The following CNTN5 variants were observed in gnomAD, a reference collection of about 807,000 sequenced individuals.
CNTN5 encodes contactin-5.
In CNTN5, 77 loss-of-function variants were observed where a neutral mutation model predicts 129.1. The ratio of observed to expected loss-of-function variants is 0.60; its 90% CI spans 0.50 to 0.72. CNTN5 has a LOEUF of 0.72. CNTN5 is among the 30% of genes least tolerant of loss of function. CNTN5 has a pLI of 0.00. For missense variants in CNTN5, 1,478 were observed against 1,328.8 expected, an observed-to-expected ratio of 1.11 and a Z score of -1.75; for synonymous variants, 509 against 465.6, an observed-to-expected ratio of 1.09 and a Z score of -1.20.
intron 21 of CNTN5, among the ~76,000 whole-genome samples, chr11:100,333,127 T>C (rs1024953660): frequency 3.3e-5 from 5 of 152,132 alleles, no homozygotes; most frequent in Non-Finnish European, 7.4e-5. Flanking sequence ...CTCTGCTATA[T>C]GCCAACAGCA....
intron 3 of CNTN5, among the ~76,000 whole-genome samples, chr11:99,693,574 G>A (rs1954131785): frequency 6.6e-6 from 1 of 151,894 alleles, no homozygotes; most frequent in Non-Finnish European, 1.5e-5. Flanking sequence ...CTTCAAGGGT[G>A]GATAGAGTAA....
At chr11:99,724,869 G>A (rs1005658818) in intron 3 of CNTN5, among the ~76,000 whole-genome samples, 20 of 152,100 alleles carry the variant, frequency 1.3e-4, no homozygotes, top group Non-Finnish European at 2.1e-4. Flanking sequence ...TATATATGTT[G>A]CCTATTAAGA....
At chr11:99,241,328 T>TTG (rs1555086960) in intron 1 of CNTN5, among the ~76,000 whole-genome samples, 2 of 149,278 alleles carry the variant, frequency 1.3e-5, no homozygotes, top group African/African-American at 4.9e-5. Context: ...GTTTTTTTTT[T>TTG]TTTTTTTTTT....
At chr11:99,791,237 G>A (rs1945731789) in intron 3 of CNTN5, among the ~76,000 whole-genome samples, 1 of 151,858 alleles carries the variant, frequency 6.6e-6, no homozygotes, top group East Asian at 1.9e-4. Flanking sequence ...GTTCAGCATG[G>A]TATTTCCTAG....
chr11:99,949,392 T>C (rs1950622911), intron 7 of CNTN5, among the ~76,000 whole-genome samples: 1 of 152,120 alleles, frequency 6.6e-6, no homozygotes, highest in Non-Finnish European at 1.5e-5. Flanking sequence ...TTTCACAAAT[T>C]TGATAAGCAC....
chr11:99,147,056 T>G (rs189573786), intron 1 of CNTN5, among the ~76,000 whole-genome samples: 4 of 149,432 alleles, frequency 2.7e-5, no homozygotes, highest in Non-Finnish European at 1.5e-5. Flanking sequence ...AGCATGATAT[T>G]TTGTCATATG....
chr11:99,792,663 T>C (rs930721913), intron 3 of CNTN5, among the ~76,000 whole-genome samples: 1 of 151,730 alleles, frequency 6.6e-6, no homozygotes, highest in African/African-American at 2.4e-5. Flanking sequence ...TCCCTACAAC[T>C]CAACCTTTTG....
intron 3 of CNTN5, among the ~76,000 whole-genome samples, chr11:99,727,099 G>A (rs1475914509): frequency 1.3e-5 from 2 of 150,514 alleles, no homozygotes; most frequent in African/African-American, 4.9e-5. Context: ...GAGGTCAGGA[G>A]ATCGAGACCA....
At chr11:99,484,288 C>T (rs963608544) in intron 2 of CNTN5, among the ~76,000 whole-genome samples, 1 of 152,006 alleles carries the variant, frequency 6.6e-6, no homozygotes, top group African/African-American at 2.4e-5. Flanking sequence ...AGCTCAACAA[C>T]ACCAGTCATC....
At chr11:99,890,823 C>T (rs1338051361) in intron 6 of CNTN5, among the ~76,000 whole-genome samples, 1 of 152,096 alleles carries the variant, frequency 6.6e-6, no homozygotes. Context: ...TAAAAATCAA[C>T]ATCAACATGT....
chr11:99,782,719 C>T (rs1232661154), intron 3 of CNTN5, among the ~76,000 whole-genome samples: 1 of 151,938 alleles, frequency 6.6e-6, no homozygotes, highest in South Asian at 2.1e-4. Flanking sequence ...GAAAAACAAG[C>T]AATGGGGAAA....
chr11:99,121,138 T>TCTTTCTTTCTTTCTTTCTTTCTTTCTTTC, intron 1 of CNTN5, among the ~76,000 whole-genome samples: 1 of 146,816 alleles, frequency 6.8e-6, no homozygotes, highest in Non-Finnish European at 1.5e-5. Flanking sequence ...TTTCTTTCTT[T>TCTTTCTTTCTTTCTTTCTTTCTTTCTTTC]TTTTTTTTTT....
chr11:100,091,194 C>A (rs571658983), intron 13 of CNTN5, among the ~76,000 whole-genome samples: 1 of 151,216 alleles, frequency 6.6e-6, no homozygotes, highest in East Asian at 2.0e-4. Flanking sequence ...TACTGCAGGA[C>A]AAGGCACCAC....
intron 3 of CNTN5, among the ~76,000 whole-genome samples, chr11:99,665,547 G>A (rs565835025): frequency 2.2e-5 from 3 of 136,212 alleles, no homozygotes; most frequent in Admixed American, 8.5e-5. Flanking sequence ...GTGCAATGGC[G>A]TGATCTTGGC....
intron 1 of CNTN5, among the ~76,000 whole-genome samples, chr11:99,179,249 C>T (rs1037301204): frequency 6.6e-6 from 1 of 152,084 alleles, no homozygotes; most frequent in Non-Finnish European, 1.5e-5. Flanking sequence ...TCAGACCAGC[C>T]TGGCCAACAT....
At chr11:99,943,544 C>A (rs1950489690) in intron 7 of CNTN5, among the ~76,000 whole-genome samples, 6 of 152,048 alleles carry the variant, frequency 3.9e-5, no homozygotes, top group Admixed American at 3.9e-4. Context: ...TTAATTAGAT[C>A]CCATTTGTCA....
At chr11:100,294,478 T>G (rs1565408309) in intron 18 of CNTN5, among the ~76,000 whole-genome samples, 1 of 151,740 alleles carries the variant, frequency 6.6e-6, no homozygotes, top group East Asian at 1.9e-4. Flanking sequence ...TATCCACTAA[T>G]GGATGAGCTT....
chr11:100,256,252 T>A (rs1944188), intron 17 of CNTN5, among the ~76,000 whole-genome samples: 108,186 of 152,050 alleles, frequency 0.71, 39,152 homozygotes, highest in East Asian at 0.92. Flanking sequence ...ATAACCATAG[T>A]ACAATTACCA....
At chr11:99,290,094 T>C (rs1314263424) in intron 1 of CNTN5, among the ~76,000 whole-genome samples, 2 of 151,840 alleles carry the variant, frequency 1.3e-5, no homozygotes, top group Admixed American at 1.3e-4. Context: ...ACTGTCCTTC[T>C]TATTTAAAAT....
Sources: allele counts gnomAD v4.1 joint callset (sites outside exome capture counted in the v4.1 genomes callset), GRCh38; gene constraint gnomAD v4.1.1; transcripts MANE v1.5; gene names NCBI Gene and HGNC (gene_info 2026-07-23, HGNC 2026-07-21).